Variants in KCNMA1 observed in about 807,000 individuals in gnomAD.
KCNMA1 encodes the protein potassium calcium-activated channel subfamily M alpha 1, also known as Calcium-activated potassium channel subunit alpha-1.
Under a neutral mutation model 140.0 loss-of-function variants are expected in KCNMA1, and 29 were observed. The observed-to-expected ratio is 0.21, with a 90% CI of 0.15 to 0.28. The LOEUF is 0.28. KCNMA1 is among the 10% of genes least tolerant of loss of function. The pLI, the probability that KCNMA1 is intolerant of heterozygous loss-of-function variation, is 1.00. For synonymous variants in KCNMA1, 612 were observed against 611.9 expected, an observed-to-expected ratio of 1.00 and a Z score of 0.00; for missense variants, 880 against 1,602.2, an observed-to-expected ratio of 0.55 and a Z score of 7.70.
intron 1 of KCNMA1, among the ~76,000 whole-genome samples, chr10:77,453,846 A>G (rs2097708671): frequency 6.6e-6 from 1 of 152,110 alleles, no homozygotes; most frequent in Non-Finnish European, 1.5e-5. Flanking sequence ...CAGACAGAAC[A>G]TTTCCCAGAG....
intron 1 of KCNMA1, among the ~76,000 whole-genome samples, chr10:77,589,574 G>A (rs765380958): frequency 5.4e-4 from 82 of 152,158 alleles, no homozygotes; most frequent in Non-Finnish European, 8.7e-4. Flanking sequence ...ACTGTGTCCG[G>A]AATTGGTGGG....
chr10:77,234,869 T>C (rs2054851532), intron 3 of KCNMA1, among the ~76,000 whole-genome samples: 1 of 152,202 alleles, frequency 6.6e-6, no homozygotes, highest in Non-Finnish European at 1.5e-5. Context: ...AATAAAACAC[T>C]TCTAAGAGAG....
At chr10:77,237,083 T>G (rs1316003263) in intron 3 of KCNMA1, among the ~76,000 whole-genome samples, 3 of 152,276 alleles carry the variant, frequency 2.0e-5, no homozygotes, top group East Asian at 1.9e-4. Flanking sequence ...TTATTTTGTT[T>G]CTTAACTTCA....
At chr10:77,179,849 G>A (rs919374073) in intron 5 of KCNMA1, among the ~76,000 whole-genome samples, 7 of 152,212 alleles carry the variant, frequency 4.6e-5, no homozygotes, top group African/African-American at 1.7e-4. Context: ...GTGTCTGTGA[G>A]GGGCTTTCCA....
At chr10:77,257,923 G>C (rs2061150431) in intron 2 of KCNMA1, among the ~76,000 whole-genome samples, 4 of 152,156 alleles carry the variant, frequency 2.6e-5, no homozygotes, top group African/African-American at 9.7e-5. Flanking sequence ...AAATTACACA[G>C]TATTGGGTAT....
At chr10:77,078,047 T>C (rs2096453367) in intron 13 of KCNMA1, 1 of 152,206 alleles carries the variant, frequency 6.6e-6, no homozygotes. Context: ...CAGCCTCTGA[T>C]GGGCCTCCAC....
intron 13 of KCNMA1, among the ~76,000 whole-genome samples, chr10:77,076,890 C>T (rs756656545): frequency 3.3e-5 from 5 of 152,006 alleles, no homozygotes; most frequent in Non-Finnish European, 5.9e-5. Flanking sequence ...ATTTCAAGCC[C>T]GTTGTCCAAT....
At chr10:77,509,706 A>G (rs562728631) in intron 1 of KCNMA1, among the ~76,000 whole-genome samples, 1 of 152,254 alleles carries the variant, frequency 6.6e-6, no homozygotes, top group East Asian at 1.9e-4. Context: ...ATGCATTTTT[A>G]TGCTTTTATG....
intron 1 of KCNMA1, among the ~76,000 whole-genome samples, chr10:77,474,280 G>GTGGCTGTA: frequency 6.6e-6 from 1 of 152,342 alleles, no homozygotes; most frequent in African/African-American, 2.4e-5. Flanking sequence ...ACCTCAGAAT[G>GTGGCTGTA]TGGCTGTACT....
At chr10:77,365,138 A>G (rs1265771593) in intron 2 of KCNMA1, among the ~76,000 whole-genome samples, 1 of 152,192 alleles carries the variant, frequency 6.6e-6, no homozygotes, top group African/African-American at 2.4e-5. Context: ...TTTACATAGA[A>G]GAATCAACTA....
At chr10:76,929,308 G>A (rs1436597018) in intron 23 of KCNMA1, among the ~76,000 whole-genome samples, 1 of 152,182 alleles carries the variant, frequency 6.6e-6, no homozygotes, top group African/African-American at 2.4e-5. Flanking sequence ...CCCATGGCCT[G>A]ATTGATTTTC....
intron 5 of KCNMA1, among the ~76,000 whole-genome samples, chr10:77,145,512 G>C (rs2098272967): frequency 6.6e-6 from 1 of 152,174 alleles, no homozygotes; most frequent in East Asian, 1.9e-4. Flanking sequence ...CTGCCTGAAA[G>C]AATTCTAGGA....
chr10:77,459,373 C>G (rs1406182263), intron 1 of KCNMA1, among the ~76,000 whole-genome samples: 3 of 152,222 alleles, frequency 2.0e-5, no homozygotes, highest in Admixed American at 2.0e-4. Flanking sequence ...ACAATCCAGG[C>G]CTTCCAAGCA....
chr10:77,356,257 G>A (rs2093470519), intron 2 of KCNMA1, among the ~76,000 whole-genome samples: 1 of 152,104 alleles, frequency 6.6e-6, no homozygotes, highest in South Asian at 2.1e-4. Context: ...GTAAAATAGG[G>A]CTAATTGTAT....
intron 1 of KCNMA1, among the ~76,000 whole-genome samples, chr10:77,619,768 T>C (rs1260130483): frequency 1.3e-5 from 2 of 151,822 alleles, no homozygotes; most frequent in African/African-American, 4.8e-5. Flanking sequence ...AGACGGCTGC[T>C]CCCCACCCAG....
In KCNMA1 at chr10:77,637,487, G is replaced by A. The variant is rs1568030626; in HGVS notation, c.156C>T (p.Ser52=). 6.2e-7 allele frequency: 1 copy of A among 1,600,912 alleles called. No homozygotes were observed. Among genetic ancestry groups the A allele is most frequent in the Non-Finnish European group, 8.5e-7 (1 of 1,171,890 alleles). The change falls in exon 1 of 28, where the codon TCC becomes TCT. Residue 52 remains serine (S), a synonymous_variant. Coordinates refer to ENST00000286628, the MANE Select transcript of KCNMA1 (RefSeq NM_001161352.2). The part of the protein sequence containing the change: ...SSSSSSSSSS[S]SSSSSSSSVH... Reference sequence around the variant, plus strand: ...CCGAGGACGAGGAGGAAGAGGAGGAGGAAGAAGAAGAAGAGGAAGAGGAGG... The same window carrying A: ...CCGAGGACGAGGAGGAAGAGGAGGAAGAAGAAGAAGAAGAGGAAGAGGAGG...
chr10:77,602,191 T>A (rs1487189253), intron 1 of KCNMA1, among the ~76,000 whole-genome samples: 1 of 152,110 alleles, frequency 6.6e-6, no homozygotes. Context: ...AAGCCTGGTT[T>A]GGGGGAGACG....
At chr10:77,358,732 T>C (rs2093699537) in intron 2 of KCNMA1, among the ~76,000 whole-genome samples, 1 of 151,850 alleles carries the variant, frequency 6.6e-6, no homozygotes, top group African/African-American at 2.4e-5. Context: ...AGGGTGGGAG[T>C]GATAAAATTT....
intron 5 of KCNMA1, among the ~76,000 whole-genome samples, chr10:77,156,548 A>T (rs1183862233): frequency 6.6e-6 from 1 of 152,224 alleles, no homozygotes; most frequent in Non-Finnish European, 1.5e-5. Flanking sequence ...GGACAGTAAT[A>T]GCCCTTCCCA....
Sources: allele counts gnomAD v4.1 joint callset (sites outside exome capture counted in the v4.1 genomes callset), GRCh38; gene constraint gnomAD v4.1.1; transcripts MANE v1.5; gene names NCBI Gene and HGNC (gene_info 2026-07-23, HGNC 2026-07-21).